The following LIN28B variants were observed in gnomAD, a reference collection of about 807,000 sequenced individuals.
LIN28B encodes the protein protein lin-28 homolog B.
A neutral mutation model predicts 21.9 loss-of-function variants in LIN28B; 5 were observed. That is an observed-to-expected ratio of 0.23 (90% confidence interval 0.12 to 0.48). The LOEUF is 0.48. LIN28B is among the 20% of genes least tolerant of loss of function. The pLI is 0.98. For synonymous variants in LIN28B, 109 were observed against 111.3 expected (o/e 0.98, Z 0.13); for missense variants, 245 against 310.5 (o/e 0.79, Z 1.58).
intron 2 of LIN28B, among the ~76,000 whole-genome samples, chr6:104,966,094 T>C (rs556807004): frequency 6.6e-6 from 1 of 152,338 alleles, no homozygotes; most frequent in Admixed American, 6.5e-5. Context: ...ATTACATATG[T>C]AAAGCACCTA....
intron 3 of LIN28B, among the ~76,000 whole-genome samples, chr6:105,034,222 T>C (rs754926710): frequency 1.8e-4 from 28 of 151,968 alleles, no homozygotes; most frequent in Non-Finnish European, 3.4e-4. Context: ...TTTGTTTTTC[T>C]TAACCTTCCA....
intron 2 of LIN28B, among the ~76,000 whole-genome samples, chr6:104,958,958 A>G (rs964538730): frequency 2.0e-5 from 3 of 152,124 alleles, no homozygotes; most frequent in African/African-American, 4.8e-5. Flanking sequence ...TCAAAAAAAC[A>G]TGTGGCCAGA....
chr6:105,078,516 A>T lies in LIN28B; in HGVS notation c.486A>T (p.Ala162=), dbSNP rs927599516. The T allele has an allele frequency of 1.2e-6, 2 of 1,614,176 alleles. No homozygotes were observed. Among genetic ancestry groups the T allele is most frequent in the Non-Finnish European group, 1.7e-6 (2 of 1,180,034 alleles). Residue 162 remains alanine (A), a synonymous_variant, in exon 4 of 4, where the codon GCA becomes GCT. Coordinates refer to ENST00000345080, the MANE Select transcript of LIN28B (RefSeq NM_001004317.4). ...GTCAGAGCATCATGCACATGGTGGC[A>T]AACTGCCCACATAAAAATGTTGCAC... ...HYCQSIMHMV[A]NCPHKNVAQP...
chr6:105,064,285 T>G (rs1223788717), intron 3 of LIN28B, among the ~76,000 whole-genome samples: 1 of 152,170 alleles, frequency 6.6e-6, no homozygotes, highest in African/African-American at 2.4e-5. Flanking sequence ...AATCAAAGAA[T>G]AGACATATTT....
intron 2 of LIN28B, among the ~76,000 whole-genome samples, chr6:104,976,422 G>A (rs949177088): frequency 6.6e-6 from 1 of 152,182 alleles, no homozygotes; most frequent in African/African-American, 2.4e-5. Context: ...AGAAGGAGTT[G>A]TGGGCAGAGG....
rs924105615 is a variant in LIN28B, at chr6:104,958,003, C to T, written c.11-96C>T. ...AAAATTTTTTTTTTCTGTTACCCTT[C>T]CCCCCCAACCCCAGGCAGGCAATTT... is the stretch of plus-strand genomic sequence containing the variant. On this transcript the variant is annotated intron_variant, in intron 1 of 3. Coordinates refer to ENST00000345080, the MANE Select transcript of LIN28B (RefSeq NM_001004317.4). The T allele has an allele frequency of 6.2e-6, 5 of 800,936 alleles. No individual in the cohort carries two copies. The African/African-American group carries it at 7.1e-5, about 11-fold the overall frequency. 49.6% of individuals were successfully genotyped at this position (800,936 alleles called of 1,614,324 possible).
chr6:105,012,278 A>G (rs1770939749), intron 2 of LIN28B, among the ~76,000 whole-genome samples: 1 of 151,724 alleles, frequency 6.6e-6, no homozygotes, highest in South Asian at 2.1e-4. Flanking sequence ...GACCAGCCTG[A>G]CCAAAATGGT....
intron 2 of LIN28B, among the ~76,000 whole-genome samples, chr6:104,996,629 G>C (rs1770611481): frequency 6.6e-6 from 1 of 152,086 alleles, no homozygotes; most frequent in Non-Finnish European, 1.5e-5. Flanking sequence ...GAGGTGTAGA[G>C]GGGTAGTAAA....
chr6:105,002,741 G>A (rs1196156598), intron 2 of LIN28B, among the ~76,000 whole-genome samples: 1 of 152,194 alleles, frequency 6.6e-6, no homozygotes, highest in Non-Finnish European at 1.5e-5. Context: ...TTGAAGAGAA[G>A]CTATTTGTTT....
chr6:105,050,991 G>A (rs1771890378), intron 3 of LIN28B, among the ~76,000 whole-genome samples: 1 of 151,248 alleles, frequency 6.6e-6, no homozygotes, highest in African/African-American at 2.5e-5. Flanking sequence ...AAGGTGGGAG[G>A]ATCGCTTGAG....
chr6:105,051,873 G>A (rs1771913529), intron 3 of LIN28B, among the ~76,000 whole-genome samples: 2 of 152,122 alleles, frequency 1.3e-5, no homozygotes, highest in African/African-American at 2.4e-5. Flanking sequence ...AGAATGTGAG[G>A]CAAATAAGCA....
At chr6:105,015,427 T>A (rs1253034464) in intron 2 of LIN28B, among the ~76,000 whole-genome samples, 1 of 152,150 alleles carries the variant, frequency 6.6e-6, no homozygotes, top group Admixed American at 6.5e-5. Context: ...AAGTGGCTCT[T>A]TTGTAGATGT....
intron 2 of LIN28B, among the ~76,000 whole-genome samples, chr6:104,962,246 G>A (rs1412608721): frequency 6.6e-6 from 1 of 151,968 alleles, no homozygotes; most frequent in Non-Finnish European, 1.5e-5. Context: ...TATGCATAAT[G>A]TATGTATCTC....
intron 3 of LIN28B, among the ~76,000 whole-genome samples, chr6:105,075,223 T>G (rs1348369576): frequency 6.6e-6 from 1 of 152,238 alleles, no homozygotes; most frequent in Non-Finnish European, 1.5e-5. Context: ...CATGATATTT[T>G]TATGCTCACA....
At position 104,994,004 on chromosome 6, in the gene LIN28B, A is replaced by AAT. The variant is rs573102920; in HGVS notation, c.199-32281_199-32280dup. On this transcript the variant is annotated intron_variant, in intron 2 of 3. Transcript: ENST00000345080. The stretch of plus-strand genomic sequence containing the variant: ...TTAAACTATACCAGTTCTTGATAAA[A>AAT]ATATATATATATATTTTTGAGACGG... 8.5e-3 allele frequency among the ~76,000 whole-genome samples: 1,288 copies of AAT among 151,930 alleles called. 17 individuals carry two copies. Among genetic ancestry groups the AAT allele is most frequent in the African/African-American group, 0.03 (1,228 of 41,376 alleles).
chr6:104,948,437 G>A (rs1434085248), intron 2 of LIN28B, among the ~76,000 whole-genome samples: 2 of 151,960 alleles, frequency 1.3e-5, no homozygotes, highest in South Asian at 2.1e-4. Flanking sequence ...ATTGCACTCC[G>A]GCCTGGGCAA....
chr6:105,026,339 A>T lies in LIN28B; in HGVS notation c.240A>T (p.Gly80=). 2.5e-6 allele frequency: 4 copies of T among 1,611,868 alleles called. No homozygotes were observed. Among genetic ancestry groups the T allele is most frequent in the Non-Finnish European group, 3.4e-6 (4 of 1,178,952 alleles). ...FMEGFRSLKE[G]EPVEFTFKKS... is the part of the protein sequence containing the mutation. The stretch of plus-strand genomic sequence containing the variant: ...AAGGATTTAGAAGCCTAAAAGAAGG[A>T]GAACCAGTGGAATTCACATTTAAAA... The change falls in exon 3 of 4, where the codon GGA becomes GGT. Residue 80 remains glycine (G), a synonymous_variant. Transcript: ENST00000345080.
intron 3 of LIN28B, among the ~76,000 whole-genome samples, chr6:105,064,181 T>G (rs1406655079): frequency 6.6e-6 from 1 of 152,228 alleles, no homozygotes; most frequent in Non-Finnish European, 1.5e-5. Context: ...GGCAGCATTA[T>G]GATTTTTATG....
intron 3 of LIN28B, among the ~76,000 whole-genome samples, chr6:105,034,002 C>T (rs974648947): frequency 3.3e-5 from 5 of 151,562 alleles, no homozygotes; most frequent in African/African-American, 4.8e-5. Context: ...CTAAAATGGT[C>T]TGGAAATCTT....
Sources: allele counts gnomAD v4.1 joint callset (sites outside exome capture counted in the v4.1 genomes callset), GRCh38; gene constraint gnomAD v4.1.1; transcripts MANE v1.5; gene names NCBI Gene and HGNC (gene_info 2026-07-23, HGNC 2026-07-21).